The following SKIC8 variants were observed in gnomAD, a reference collection of about 807,000 sequenced individuals.
The protein encoded by SKIC8 is SKI8 subunit of superkiller complex, also known as superkiller complex protein 8.
chr15:78,284,953 G>C, the SKIC8 span: 1 of 338,438 alleles, frequency 3.0e-6, no homozygotes, highest in East Asian at 5.1e-5. Flanking sequence ...CCCCAGGAGA[G>C]GGCCCCAGAC....
the SKIC8 span, chr15:78,288,529 C>T: frequency 2.7e-6 from 2 of 737,888 alleles, no homozygotes; most frequent in Non-Finnish European, 4.5e-6. Context: ...TCTGATTGGG[C>T]CTTTCCTCTT....
At chr15:78,297,202 A>G in the SKIC8 span, among the ~76,000 whole-genome samples, 2 of 152,246 alleles carry the variant, frequency 1.3e-5, no homozygotes, top group African/African-American at 4.8e-5. Flanking sequence ...AAGCACAAAG[A>G]TGAGAAAAAT....
chr15:78,295,643 AT>A, the SKIC8 span: 25 of 1,609,492 alleles, frequency 1.6e-5, no homozygotes, highest in Non-Finnish European at 2.0e-5. Flanking sequence ...AAAGAGACCA[AT>A]TGATGTTTTT....
chr15:78,285,701 C>T, the SKIC8 span: 1 of 438,790 alleles, frequency 2.3e-6, no homozygotes, highest in Admixed American at 3.8e-5. Flanking sequence ...TCTTGGCCAT[C>T]CCAGGCCTGA....
the SKIC8 span, chr15:78,299,336 G>C: frequency 6.6e-6 from 1 of 152,398 alleles, no homozygotes; most frequent in Non-Finnish European, 1.5e-5. Flanking sequence ...GACGCAAAAG[G>C]AGGCCACCCA....
the SKIC8 span, chr15:78,286,210 T>C: frequency 7.8e-7 from 1 of 1,275,392 alleles, no homozygotes; most frequent in Non-Finnish European, 1.1e-6. Flanking sequence ...AGTATATTAT[T>C]AACTCTGCCA....
At chr15:78,294,105 C>A in the SKIC8 span, among the ~76,000 whole-genome samples, 9 of 152,328 alleles carry the variant, frequency 5.9e-5, no homozygotes, top group African/African-American at 2.2e-4. Context: ...CCATTTCAAA[C>A]CTCACCTAAC....
chr15:78,296,472 A>C, the SKIC8 span, among the ~76,000 whole-genome samples: 1 of 152,046 alleles, frequency 6.6e-6, no homozygotes, highest in African/African-American at 2.4e-5. Flanking sequence ...TTAAGGGCTA[A>C]TGGTTCTTAT....
the SKIC8 span, chr15:78,290,138 A>C: frequency 3.2e-6 from 5 of 1,572,256 alleles, no homozygotes; most frequent in Non-Finnish European, 4.3e-6. Context: ...CAGTGTGAAA[A>C]GACTTGGCCT....
the SKIC8 span, chr15:78,292,507 C>G: frequency 2.3e-6 from 3 of 1,295,546 alleles, no homozygotes; most frequent in South Asian, 2.5e-5. Context: ...CACATTATCA[C>G]CCCTCTCAAA....
At chr15:78,285,339 A>G in the SKIC8 span, 3 of 1,614,058 alleles carry the variant, frequency 1.9e-6, no homozygotes. Context: ...TGTCAGACGA[A>G]CTATTTTAAA....
At chr15:78,285,431 C>T in the SKIC8 span, 5 of 1,089,312 alleles carry the variant, frequency 4.6e-6, no homozygotes, top group Admixed American at 9.1e-5. Flanking sequence ...TAACTTCAGA[C>T]CCCCCAACCC....
the SKIC8 span, chr15:78,286,518 T>A: frequency 5.5e-6 from 1 of 181,462 alleles, no homozygotes; most frequent in Non-Finnish European, 1.2e-5. Flanking sequence ...GACTCCTGCC[T>A]GCACCAGCAG....
At chr15:78,285,214 T>C in the SKIC8 span, 6 of 1,585,324 alleles carry the variant, frequency 3.8e-6, no homozygotes, top group Admixed American at 1.7e-5. Flanking sequence ...TTTGGTACAA[T>C]GGTCAAACAA....
the SKIC8 span, chr15:78,293,392 GC>G: frequency 1.0e-6 from 1 of 976,134 alleles, no homozygotes; most frequent in Non-Finnish European, 1.5e-6. Context: ...TTTACAAAGT[GC>G]TTTCCTATAC....
the SKIC8 span, chr15:78,289,775 C>A: frequency 6.4e-7 from 1 of 1,562,664 alleles, no homozygotes; most frequent in Non-Finnish European, 8.8e-7. Context: ...GCTGTCCCTA[C>A]CAAACACAAG....
the SKIC8 span, chr15:78,295,616 C>G: frequency 6.2e-7 from 1 of 1,612,128 alleles, no homozygotes; most frequent in Non-Finnish European, 8.5e-7. Flanking sequence ...AGAAAACCTA[C>G]TGGACTTGAA....
the SKIC8 span, among the ~76,000 whole-genome samples, chr15:78,287,676 G>C: frequency 1.3e-5 from 2 of 152,208 alleles, no homozygotes; most frequent in Non-Finnish European, 2.9e-5. Flanking sequence ...CATTACAGGG[G>C]ATACCTCAGT....
At chr15:78,283,482 C>T in the SKIC8 span, 1 of 1,613,836 alleles carries the variant, frequency 6.2e-7, no homozygotes, top group East Asian at 2.2e-5. Context: ...CCAACAGACA[C>T]AATTTTTGAA....
Sources: allele counts gnomAD v4.1 joint callset (sites outside exome capture counted in the v4.1 genomes callset), GRCh38; gene constraint gnomAD v4.1.1; transcripts MANE v1.5; gene names NCBI Gene and HGNC (gene_info 2026-07-23, HGNC 2026-07-21).